BACH1: variants seen among roughly 807,000 people sequenced by gnomAD.
BACH1 encodes transcription regulator protein BACH1.
In BACH1, 35 loss-of-function variants were observed where a neutral mutation model predicts 52.9. That is an observed-to-expected ratio of 0.66 (90% CI 0.51 to 0.88). The LOEUF is 0.88. Ranked by LOEUF, BACH1 falls within the 40% of genes least tolerant of loss-of-function variation. The pLI is 0.00. For synonymous variants in BACH1, 321 were observed against 319.6 expected, an observed-to-expected ratio of 1.00 and a Z score of -0.05; for missense variants, 808 against 872.6, an observed-to-expected ratio of 0.93 and a Z score of 0.93.
chr21:29,358,451 T>C (rs561645389), intron 2 of BACH1, among the ~76,000 whole-genome samples: 1 of 152,254 alleles, frequency 6.6e-6, no homozygotes, highest in East Asian at 1.9e-4. Context: ...ATTAGAAATA[T>C]AAAAAGTGGG....
At chr21:29,337,797 T>G (rs1601365059) in intron 4 of BACH1, among the ~76,000 whole-genome samples, 3 of 151,962 alleles carry the variant, frequency 2.0e-5, no homozygotes, top group South Asian at 4.2e-4. Flanking sequence ...AACATGGTGG[T>G]GCAAACCTGT....
At chr21:29,331,022 A>C (rs892660240) in intron 4 of BACH1, among the ~76,000 whole-genome samples, 4 of 151,974 alleles carry the variant, frequency 2.6e-5, no homozygotes, top group Admixed American at 2.6e-4. Flanking sequence ...GTTAAAACCA[A>C]GGAGGAAAAG....
chr21:29,338,751 C>T (rs963138860), intron 4 of BACH1, among the ~76,000 whole-genome samples: 1 of 152,086 alleles, frequency 6.6e-6, no homozygotes, highest in African/African-American at 2.4e-5. Context: ...AATATATACT[C>T]CAAATCTTGA....
intron 4 of BACH1, among the ~76,000 whole-genome samples, chr21:29,331,279 T>C (rs947598038): frequency 6.6e-6 from 1 of 152,210 alleles, no homozygotes; most frequent in African/African-American, 2.4e-5. Flanking sequence ...TAGTTATGCT[T>C]CTTAGTTCTT....
intron 1 of BACH1, among the ~76,000 whole-genome samples, chr21:29,306,455 C>T (rs193026517): frequency 9.9e-5 from 15 of 151,654 alleles, no homozygotes; most frequent in African/African-American, 3.4e-4. Flanking sequence ...TCTCTCCTCT[C>T]TTCATAGGTC....
intron 2 of BACH1, among the ~76,000 whole-genome samples, chr21:29,323,478 G>T (rs1035579892): frequency 6.6e-6 from 1 of 152,218 alleles, no homozygotes; most frequent in Non-Finnish European, 1.5e-5. Context: ...GAGGCATCCA[G>T]CAGGGGAGAA....
At chr21:29,342,325 T>A in intron 4 of BACH1, 74 bp from the exon 5 acceptor site, 2 of 1,409,644 alleles carry the variant, frequency 1.4e-6, no homozygotes, top group Non-Finnish European at 1.9e-6. Context: ...CCCCTGTATA[T>A]TATTTGATCG....
chr21:29,348,795 T>C (rs1490641659), downstream of BACH1, among the ~76,000 whole-genome samples: 2 of 151,960 alleles, frequency 1.3e-5, no homozygotes, highest in Admixed American at 1.3e-4. Flanking sequence ...GGAGGAGGCG[T>C]CTTAAATCTA....
chr21:29,307,609 TA>T (rs1458029465), intron 1 of BACH1, among the ~76,000 whole-genome samples: 2 of 152,252 alleles, frequency 1.3e-5, no homozygotes, highest in African/African-American at 4.8e-5. Flanking sequence ...AGTATATGGT[TA>T]TAATTGTTGT....
intron 2 of BACH1, among the ~76,000 whole-genome samples, chr21:29,324,118 G>C (rs1048376596): frequency 6.6e-6 from 1 of 151,894 alleles, no homozygotes; most frequent in Non-Finnish European, 1.5e-5. Flanking sequence ...CAGGCGTGGT[G>C]GCGGGCACCT....
intron 1 of BACH1, among the ~76,000 whole-genome samples, chr21:29,316,099 G>C (rs2088783267): frequency 6.6e-6 from 1 of 152,070 alleles, no homozygotes; most frequent in South Asian, 2.1e-4. Context: ...TTCACACATG[G>C]AACTTTATAC....
chr21:29,316,699 A>G (rs535306855), intron 1 of BACH1, among the ~76,000 whole-genome samples: 3 of 152,330 alleles, frequency 2.0e-5, no homozygotes, highest in Admixed American at 1.3e-4. Flanking sequence ...TTTTCAGAAC[A>G]CTTCTGTAGT....
At chr21:29,322,800 C>T (rs913950136) in intron 2 of BACH1, among the ~76,000 whole-genome samples, 2 of 152,124 alleles carry the variant, frequency 1.3e-5, no homozygotes, top group African/African-American at 4.8e-5. Flanking sequence ...TAGCAGAGGT[C>T]AGAGTCAATG....
intron 4 of BACH1, among the ~76,000 whole-genome samples, chr21:29,335,388 T>G (rs2089032729): frequency 6.6e-6 from 1 of 152,228 alleles, no homozygotes; most frequent in South Asian, 2.1e-4. Flanking sequence ...TGGTTCTCTA[T>G]TCTTCCTATA....
intron 4 of BACH1, among the ~76,000 whole-genome samples, chr21:29,330,121 A>G (rs2088963225): frequency 6.6e-6 from 1 of 152,178 alleles, no homozygotes; most frequent in South Asian, 2.1e-4. Flanking sequence ...GAAAATATTA[A>G]TATCTAATGG....
chr21:29,336,523 C>T (rs2123466548), intron 4 of BACH1, among the ~76,000 whole-genome samples: 1 of 152,302 alleles, frequency 6.6e-6, no homozygotes, highest in South Asian at 2.1e-4. Flanking sequence ...AATACTCCTG[C>T]ATCCTTTAGA....
Position 29,326,771 on chromosome 21 carries a change from A to G in BACH1, c.947A>G (p.Asp316Gly), listed in dbSNP as rs1159573061. ...VTPFPHNSSIDPHGLYSLSLL... is the reference protein window; with the variant it reads ...VTPFPHNSSIGPHGLYSLSLL... ...CCTTTCCCCCACAATTCTTCCATAG[A>G]CCCTCATGGACTTTATTCTTTGTCT... Residue 316 changes from aspartate to glycine, a missense_variant, in exon 3 of 5, where the codon GAC becomes GGC. Transcript: ENST00000286800. 1.2e-6 allele frequency: 2 copies of G among 1,613,826 alleles called. No homozygotes were observed. Among genetic ancestry groups the G allele is most frequent in the African/African-American group, 1.3e-5 (1 of 74,916 alleles).
At chr21:29,337,660 G>A (rs2089060134) in intron 4 of BACH1, among the ~76,000 whole-genome samples, 2 of 152,290 alleles carry the variant, frequency 1.3e-5, no homozygotes, top group African/African-American at 4.8e-5. Context: ...GAGAACACTT[G>A]GACACAGGGT....
rs147482272 is a variant in BACH1 at position 29,321,358 on chromosome 21, C to T, written c.78C>T (p.Asp26=). The change falls in exon 2 of 5, where the codon GAC becomes GAT. Residue 26 remains aspartate, a synonymous_variant. Coordinates refer to ENST00000286800, the MANE Select transcript of BACH1 (RefSeq NM_001186.4). ...HSTNVLLSLN[D]QRKKDVLCDV... Reference sequence around the variant, plus strand: ...CCAATGTTTTACTCAGCCTTAATGACCAGCGGAAGAAAGATGTGCTGTGCG... The same window carrying T: ...CCAATGTTTTACTCAGCCTTAATGATCAGCGGAAGAAAGATGTGCTGTGCG... 31 of 1,614,198 alleles carry T rather than the reference C, an allele frequency of 1.9e-5. No homozygotes were observed. In the African/African-American group the frequency reaches 3.3e-4, roughly 17 times the overall value.
Sources: gnomAD v4.1 joint callset for allele counts (sites outside exome capture counted in the v4.1 genomes callset) on GRCh38, gnomAD v4.1.1 for gene constraint, MANE v1.5 for transcripts, NCBI Gene and HGNC (gene_info 2026-07-23, HGNC 2026-07-21) for gene names.